TULP4: variants seen among roughly 807,000 people sequenced by gnomAD.
TULP4 encodes the protein TUB like protein 4, also known as tubby-related protein 4.
A neutral mutation model predicts 129.0 loss-of-function variants in TULP4; 16 were observed. The ratio of observed to expected loss-of-function variants is 0.12; its 90% CI spans 0.08 to 0.19. The LOEUF (loss-of-function observed/expected upper bound fraction) is 0.19. Ranked by LOEUF, TULP4 falls within the 10% of genes least tolerant of loss-of-function variation. The pLI is 1.00. For synonymous variants in TULP4, 998 were observed against 854.0 expected (o/e 1.17, Z -2.94); for missense variants, 1,842 against 2,059.1 (o/e 0.89, Z 2.04).
intron 1 of TULP4, among the ~76,000 whole-genome samples, chr6:158,379,744 G>C (rs1777281548): frequency 6.6e-6 from 1 of 152,192 alleles, no homozygotes; most frequent in African/African-American, 2.4e-5. Context: ...AAGAAAGTGA[G>C]GGGAGGGGGA....
chr6:158,502,488 C>T lies in TULP4; in HGVS notation c.2825C>T (p.Thr942Ile). 1 of 1,613,210 alleles carries T rather than the reference C, an allele frequency of 6.2e-7. No individual in the cohort carries two copies. The highest frequency in any genetic ancestry group is 8.5e-7 in the Non-Finnish European group (1 of 1,179,896). ...GTCCCTCAGCCCTGCAGCAGTGCCA[C>T]CCTGAACCGCCTGACCGTCCCTCGC... ...KKVPQPCSSA[T>I]LNRLTVPRYS... is the part of the protein sequence containing the mutation. The change falls in exon 13 of 14, where the codon ACC (threonine) becomes ATC (isoleucine). Residue 942 changes from threonine to isoleucine, a missense_variant. By Grantham distance (89) the Thr-to-Ile change is moderately conservative. This residue lies in a region of TULP4 where 1,089 missense variants were observed against 987.1 expected (regional missense o/e 1.10). Transcript: ENST00000367097.
intron 1 of TULP4, among the ~76,000 whole-genome samples, chr6:158,366,327 C>T (rs1393004829): frequency 6.6e-6 from 1 of 152,142 alleles, no homozygotes; most frequent in African/African-American, 2.4e-5. Context: ...TGCTATTGTC[C>T]TCCCCAGGAT....
At chr6:158,434,674 T>C (rs2115074985) in intron 3 of TULP4, among the ~76,000 whole-genome samples, 1 of 152,214 alleles carries the variant, frequency 6.6e-6, no homozygotes, top group East Asian at 1.9e-4. Flanking sequence ...GTCAATTCAC[T>C]TGGAAAGCCT....
At chr6:158,447,670 C>CA (rs1455446511) in intron 3 of TULP4, among the ~76,000 whole-genome samples, 2 of 152,176 alleles carry the variant, frequency 1.3e-5, no homozygotes, top group Non-Finnish European at 2.9e-5. Context: ...GTCTCTCCCC[C>CA]AAGGAGCTTC....
At chr6:158,446,652 A>C (rs769783077) in intron 3 of TULP4, among the ~76,000 whole-genome samples, 1 of 152,282 alleles carries the variant, frequency 6.6e-6, no homozygotes, top group Non-Finnish European at 1.5e-5. Flanking sequence ...TTGGGCTGCT[A>C]TAATAAAATA....
chr6:158,329,433 A>G (rs557984469), intron 1 of TULP4, among the ~76,000 whole-genome samples: 167 of 150,102 alleles, frequency 1.1e-3, no homozygotes, highest in African/African-American at 4.0e-3. Flanking sequence ...TTTAGAGTTT[A>G]AGGAAGAGTT....
chr6:158,393,573 G>T (rs1212823786), intron 1 of TULP4, among the ~76,000 whole-genome samples: 1 of 152,194 alleles, frequency 6.6e-6, no homozygotes, highest in African/African-American at 2.4e-5. Context: ...ATTGCCTTCT[G>T]TGCACCCATA....
chr6:158,502,776 G>T lies in TULP4; in HGVS notation c.3113G>T (p.Ser1038Ile). ...ARPPPALYTC[S>I]QCSGTGPSSQ... is the part of the protein sequence containing the mutation. ...CCCCCACCTGCCCTGTACACCTGCAGTCAGTGCAGTGGCACAGGGCCCAGC... is the reference window on the plus strand; with the variant it reads ...CCCCCACCTGCCCTGTACACCTGCATTCAGTGCAGTGGCACAGGGCCCAGC... Residue 1038 changes from serine to isoleucine, a missense_variant, in exon 13 of 14, where the codon AGT becomes ATT. Ser to Ile is a moderately radical substitution (Grantham distance 142). This residue lies in a region of TULP4 where 1,089 missense variants were observed against 987.1 expected (regional missense o/e 1.10). Coordinates refer to ENST00000367097, the MANE Select transcript of TULP4 (RefSeq NM_020245.5). 1 of 1,607,348 alleles carries T rather than the reference G, an allele frequency of 6.2e-7. No homozygotes were observed. The highest frequency in any genetic ancestry group is 8.5e-7 in the Non-Finnish European group (1 of 1,179,122).
Position 158,452,281 on chromosome 6 carries a change from G to T in TULP4, c.859+13G>T. ...TCAGGGCTGAAAGGTACAGAATGCT[G>T]CACACACCCCAAACCTGCAGACCGG... On this transcript the variant is annotated intron_variant, in intron 5 of 13. Coordinates refer to ENST00000367097, the MANE Select transcript of TULP4 (RefSeq NM_020245.5). 2 of 1,613,332 alleles carry T rather than the reference G, an allele frequency of 1.2e-6. No homozygotes were observed. The highest frequency in any genetic ancestry group is 1.7e-6 in the Non-Finnish European group (2 of 1,179,646).
intron 2 of TULP4, chr6:158,427,892 GACA>G (rs1778537821): frequency 6.6e-6 from 1 of 152,316 alleles, no homozygotes. Flanking sequence ...GACCAAGGCA[GACA>G]GATCACTTGA....
chr6:158,313,262 G>A lies in TULP4; in HGVS notation c.-755G>A, dbSNP rs1192228595. The A allele has an allele frequency of 4.0e-5, 15 of 375,904 alleles. No individual in the cohort carries two copies. The highest frequency in any genetic ancestry group is 1.8e-4 in the Admixed American group (4 of 22,028). The allele number at this position is 375,904 out of a possible 1,614,324, so 23.3% of individuals were successfully genotyped here. ...GAGGAGCAGTCCGATGGAGCCCTGC[G>A]TTCCCCGGGGACACAGGGCCAAGCT... On this transcript the variant is annotated 5_prime_UTR_variant, in exon 1 of 14. Coordinates refer to ENST00000367097, the MANE Select transcript of TULP4 (RefSeq NM_020245.5).
intron 1 of TULP4, chr6:158,242,031 T>G: frequency 1.3e-6 from 1 of 798,238 alleles, no homozygotes; most frequent in Admixed American, 1.7e-5. Context: ...TATTTGCAAT[T>G]ACATCTAGTA....
Position 158,441,670 on chromosome 6 carries a change from G to A in TULP4, c.544-7326G>A, listed in dbSNP as rs370970344. Among the ~76,000 whole-genome samples, 35 of 152,240 alleles carry A rather than the reference G, an allele frequency of 2.3e-4. 2 individuals are homozygous for A. In the South Asian group the frequency reaches 7.3e-3, roughly 32 times the overall value. On this transcript the variant is annotated intron_variant, in intron 3 of 13. Coordinates refer to ENST00000367097, the MANE Select transcript of TULP4 (RefSeq NM_020245.5). ...CCAGGACAAAGGCTCGCTCCTTCTG[G>A]TCAGGCCTCTCTGGGCCCTCTTCTC...
chr6:158,430,650 G>A (rs917060867), intron 3 of TULP4, among the ~76,000 whole-genome samples: 2 of 152,138 alleles, frequency 1.3e-5, no homozygotes, highest in Non-Finnish European at 2.9e-5. Flanking sequence ...TGGAGGCTGA[G>A]ACAGGAGAAT....
intron 1 of TULP4, among the ~76,000 whole-genome samples, chr6:158,297,810 T>TA (rs1304700629): frequency 6.6e-6 from 1 of 152,084 alleles, no homozygotes; most frequent in Non-Finnish European, 1.5e-5. Flanking sequence ...ATAAACATCT[T>TA]AAACAACAGA....
intron 3 of TULP4, among the ~76,000 whole-genome samples, chr6:158,436,215 C>T (rs949675128): frequency 3.9e-5 from 6 of 152,158 alleles, no homozygotes; most frequent in African/African-American, 9.7e-5. Context: ...CCTGGACTCT[C>T]TTTTCTGTAC....
At position 158,452,147 on chromosome 6, in the gene TULP4, A is replaced by C; in HGVS notation, c.738A>C (p.Ala246=). 6.2e-7 allele frequency: 1 copy of C among 1,614,114 alleles called. No individual in the cohort carries two copies. The highest frequency in any genetic ancestry group is 8.5e-7 in the Non-Finnish European group (1 of 1,179,996). Residue 246 remains alanine, a synonymous_variant, in exon 5 of 14, where the codon GCA becomes GCC. Coordinates refer to ENST00000367097, the MANE Select transcript of TULP4 (RefSeq NM_020245.5). ...GTGTTCCTGCAGATGGTCCGGCAGC[A>C]TATCCCATCCCAGTGCAGAACATCA... The part of the protein sequence containing the change: ...DYAPPQDGPA[A]YPIPVQNIKP...
intron 3 of TULP4, among the ~76,000 whole-genome samples, chr6:158,432,693 T>C (rs970262721): frequency 5.3e-5 from 8 of 152,224 alleles, no homozygotes; most frequent in African/African-American, 9.6e-5. Context: ...AAACCCCGTC[T>C]GTACTAAAAA....
chr6:158,463,356 T>G (rs1437099283), intron 6 of TULP4, among the ~76,000 whole-genome samples: 1 of 152,102 alleles, frequency 6.6e-6, no homozygotes, highest in African/African-American at 2.4e-5. Flanking sequence ...GGCCACCTTA[T>G]GTTTGAGTCA....
Sources: gnomAD v4.1 joint callset for allele counts (sites outside exome capture counted in the v4.1 genomes callset) on GRCh38, gnomAD v4.1.1 for gene constraint, gnomAD v4.1.1 regional missense constraint, MANE v1.5 for transcripts, NCBI Gene and HGNC (gene_info 2026-07-23, HGNC 2026-07-21) for gene names.